The following APBB2 variants were observed in gnomAD, a reference collection of about 807,000 sequenced individuals.
The protein encoded by APBB2 is Fe65-like 1.
Under a neutral mutation model 82.5 loss-of-function variants are expected in APBB2, and 38 were observed. That is an observed-to-expected ratio of 0.46 (90% CI 0.36 to 0.60). The LOEUF (loss-of-function observed/expected upper bound fraction) is 0.60, where lower values mean the gene tolerates loss of function less well. Ranked by LOEUF, APBB2 falls within the 20% of genes least tolerant of loss-of-function variation. APBB2 has a pLI of 0.00. For missense variants in APBB2, 772 were observed against 972.3 expected (o/e 0.79, Z 2.74); for synonymous variants, 341 against 368.2 (o/e 0.93, Z 0.85).
rs1560637709 is a variant in APBB2 at position 40,832,236 on chromosome 4, C to T, written c.1530-1659G>A. ...CTTTCCCCAAGAAAGCCTTGGCGGC[C>T]TTGGGAAGGGACAGGGATTTACTAT... On this transcript the variant is annotated intron_variant, in intron 12 of 17. Coordinates refer to ENST00000508593, the MANE Select transcript of APBB2 (RefSeq NM_004307.2). This position sits in a 1 kb window ranked among gnomAD's most constrained non-coding sequence, Gnocchi z 4.8. Among the ~76,000 whole-genome samples the T allele has an allele frequency of 6.6e-6, 1 of 152,148 alleles. No individual in the cohort carries two copies. Among genetic ancestry groups the T allele is most frequent in the Non-Finnish European group, 1.5e-5 (1 of 68,030 alleles).
chr4:40,906,464 CAAAAAAAAAAAAA>C (rs5857755), intron 10 of APBB2, among the ~76,000 whole-genome samples: 3 of 68,004 alleles, frequency 4.4e-5, no homozygotes, highest in Non-Finnish European at 5.1e-5. Flanking sequence ...AAACCTGTCT[CAAAAAAAAAAAAA>C]AAAAAAAAAA....
At chr4:40,916,289 A>C (rs930632829) in intron 10 of APBB2, among the ~76,000 whole-genome samples, 2 of 152,156 alleles carry the variant, frequency 1.3e-5, no homozygotes, top group African/African-American at 4.8e-5. Flanking sequence ...TCTGAGGAGG[A>C]GACATCTCTC....
intron 3 of APBB2, among the ~76,000 whole-genome samples, chr4:41,099,640 C>A (rs902255735): frequency 6.6e-6 from 1 of 151,930 alleles, no homozygotes; most frequent in Non-Finnish European, 1.5e-5. Context: ...CTATAAAATC[C>A]GATCTTACTA....
chr4:41,112,711 C>A (rs549715947), intron 2 of APBB2, among the ~76,000 whole-genome samples: 12 of 152,162 alleles, frequency 7.9e-5, no homozygotes, highest in Non-Finnish European at 1.3e-4. Context: ...GGTTTCAGGC[C>A]GGGCGTGGTG....
chr4:41,190,455 G>A (rs1285104289), intron 1 of APBB2, among the ~76,000 whole-genome samples: 1 of 151,758 alleles, frequency 6.6e-6, no homozygotes, highest in African/African-American at 2.4e-5. Context: ...TCACCGTGTT[G>A]GCCAGGCTGG....
intron 1 of APBB2, among the ~76,000 whole-genome samples, chr4:41,149,590 G>A (rs1331033626): frequency 6.6e-6 from 1 of 152,050 alleles, no homozygotes; most frequent in Non-Finnish European, 1.5e-5. Flanking sequence ...TCAAAATACT[G>A]CATAAAAAGA....
At chr4:40,940,599 C>A (rs1312069404) in intron 7 of APBB2, among the ~76,000 whole-genome samples, 1 of 152,162 alleles carries the variant, frequency 6.6e-6, no homozygotes, top group Non-Finnish European at 1.5e-5. Flanking sequence ...TTAAGGTATT[C>A]CACTGGGCAC....
At chr4:40,867,163 T>C (rs1764238297) in intron 12 of APBB2, among the ~76,000 whole-genome samples, 1 of 152,254 alleles carries the variant, frequency 6.6e-6, no homozygotes, top group Non-Finnish European at 1.5e-5. Context: ...ATATCGTGTC[T>C]GTAGGTGCTT....
intron 10 of APBB2, among the ~76,000 whole-genome samples, chr4:40,929,545 C>A (rs149870491): frequency 5.3e-5 from 8 of 152,282 alleles, no homozygotes; most frequent in African/African-American, 1.7e-4. Flanking sequence ...GTGATCCACC[C>A]GCCGTGGCCT....
At chr4:40,967,804 T>C (rs1440167727) in intron 6 of APBB2, among the ~76,000 whole-genome samples, 3 of 152,054 alleles carry the variant, frequency 2.0e-5, no homozygotes, top group Non-Finnish European at 2.9e-5. Context: ...AGCCAGAGGT[T>C]TCATGCCAGA....
In APBB2 at chr4:40,890,449, G is replaced by T; in HGVS notation, c.1444C>A (p.Leu482Met). The T allele has an allele frequency of 6.2e-7, 1 of 1,614,130 alleles. No individual in the cohort carries two copies. The highest frequency in any genetic ancestry group is 8.5e-7 in the Non-Finnish European group (1 of 1,180,020). The change falls in exon 12 of 18, where the codon CTG becomes ATG. Residue 482 changes from leucine to methionine, a missense_variant. Coordinates refer to ENST00000508593, the MANE Select transcript of APBB2 (RefSeq NM_004307.2). Reference sequence around the variant, plus strand: ...ACGCTGCGGTCCATGGGGTCCACCAGGCTGAGCATGTCATTCTCCAGGATC... The same window carrying T: ...ACGCTGCGGTCCATGGGGTCCACCATGCTGAGCATGTCATTCTCCAGGATC... ...YLILENDMLSLVDPMDRSVLH... is the reference protein window; with the variant it reads ...YLILENDMLSMVDPMDRSVLH...
chr4:41,036,069 G>T (rs1719050741), intron 4 of APBB2, among the ~76,000 whole-genome samples: 1 of 152,064 alleles, frequency 6.6e-6, no homozygotes, highest in Admixed American at 6.5e-5. Flanking sequence ...GAGGTGGAAG[G>T]ATCACTTGAG....
intron 6 of APBB2, among the ~76,000 whole-genome samples, chr4:40,953,296 CA>C (rs35104971): frequency 1.2e-3 from 115 of 95,276 alleles, no homozygotes; most frequent in East Asian, 2.0e-3. Context: ...AACTCCATCT[CA>C]AAAAAAAAAA....
At chr4:40,966,091 T>C (rs1026261845) in intron 6 of APBB2, among the ~76,000 whole-genome samples, 1 of 152,214 alleles carries the variant, frequency 6.6e-6, no homozygotes, top group Admixed American at 6.5e-5. Flanking sequence ...TTTACCAATA[T>C]AGATGCACAA....
chr4:40,835,274 TAAA>T (rs55645125), intron 12 of APBB2, among the ~76,000 whole-genome samples: 5 of 130,966 alleles, frequency 3.8e-5, no homozygotes, highest in Non-Finnish European at 3.3e-5. Context: ...AGATTCCGTC[TAAA>T]AAAAAAAAAA....
At position 40,907,367 on chromosome 4, in the gene APBB2, ATATATATATATATTTT is replaced by A. The variant is rs1225064106; in HGVS notation, c.1255-13972_1255-13957del. Among the ~76,000 whole-genome samples the A allele has an allele frequency of 9.8e-5, 7 of 71,612 alleles. No homozygotes were observed. The East Asian group carries it at 1.3e-3, about 14-fold the overall frequency. 47.0% of individuals were successfully genotyped at this position (71,612 alleles called of 152,430 possible). A position where few individuals can be genotyped will look rare whatever the true frequency, so the allele number is the denominator to read the frequency against. On this transcript the variant is annotated intron_variant, in intron 10 of 17. Transcript: ENST00000508593. ...ATATTACATATATATATATATATAT[ATATATATATATATTTT>A]TTTTTTTTTTTTTTTTTAGACAGAG... is the stretch of plus-strand genomic sequence containing the variant.
intron 4 of APBB2, among the ~76,000 whole-genome samples, chr4:41,053,627 A>G (rs1726846423): frequency 6.6e-6 from 1 of 152,190 alleles, no homozygotes. Flanking sequence ...CTATTACCCC[A>G]GTACTGCTAT....
At chr4:41,143,713 T>C (rs1000631191) in intron 1 of APBB2, among the ~76,000 whole-genome samples, 3 of 152,216 alleles carry the variant, frequency 2.0e-5, no homozygotes, top group African/African-American at 7.2e-5. Context: ...TATATTTACA[T>C]TGCAATATGA....
chr4:41,105,667 A>G (rs12233763), intron 2 of APBB2, among the ~76,000 whole-genome samples: 3,397 of 152,170 alleles, frequency 0.022, 113 homozygotes, highest in African/African-American at 0.072. Flanking sequence ...GGCAGATCAC[A>G]AGGTCAGGAG....
Sources: gnomAD v4.1 joint callset for allele counts (sites outside exome capture counted in the v4.1 genomes callset) on GRCh38, gnomAD v4.1.1 for gene constraint, Gnocchi (gnomAD v3.1) non-coding constraint, MANE v1.5 for transcripts, NCBI Gene and HGNC (gene_info 2026-07-23, HGNC 2026-07-21) for gene names.